STAT5B: variants seen among roughly 807,000 people sequenced by gnomAD.
STAT5B encodes the protein signal transducer and activator of transcription 5B, also known as transcription factor STAT5B.
In STAT5B, 21 loss-of-function variants were observed where a neutral mutation model predicts 107.8. The ratio of observed to expected loss-of-function variants is 0.19; its 90% CI spans 0.14 to 0.28. The LOEUF is 0.28. STAT5B is among the 10% of genes least tolerant of loss of function. STAT5B has a pLI of 1.00. For synonymous variants in STAT5B, 325 were observed against 401.7 expected (o/e 0.81, Z 2.28); for missense variants, 565 against 1,008.2 (o/e 0.56, Z 5.95).
upstream of STAT5B, among the ~76,000 whole-genome samples, chr17:42,279,667 A>T (rs2080787616): frequency 6.6e-6 from 1 of 151,968 alleles, no homozygotes; most frequent in East Asian, 1.9e-4. Flanking sequence ...CCATTACAGG[A>T]TTACATGCCT....
At chr17:42,259,991 T>C (rs1393809551) in intron 1 of STAT5B, among the ~76,000 whole-genome samples, 1 of 152,142 alleles carries the variant, frequency 6.6e-6, no homozygotes, top group Admixed American at 6.5e-5. Flanking sequence ...AGCCAGATGT[T>C]ATAAAGCAGG....
At chr17:42,256,024 G>A (rs2080540908) in intron 1 of STAT5B, among the ~76,000 whole-genome samples, 1 of 151,982 alleles carries the variant, frequency 6.6e-6, no homozygotes, top group African/African-American at 2.4e-5. Context: ...GGAGGTGAAG[G>A]TTGCAATGAG....
chr17:42,266,938 A>C (rs34129849), intron 1 of STAT5B, among the ~76,000 whole-genome samples: 39,842 of 152,170 alleles, frequency 0.26, 5,457 homozygotes, highest in South Asian at 0.42. Context: ...TTTGTAAAAC[A>C]TGACTACACT....
At chr17:42,219,097 C>T (rs1490061574) in intron 7 of STAT5B, among the ~76,000 whole-genome samples, 4 of 152,196 alleles carry the variant, frequency 2.6e-5, no homozygotes, top group African/African-American at 7.2e-5. Flanking sequence ...CCCACACACC[C>T]GAACCCTGTC....
chr17:42,236,434 A>C (rs1459460293), intron 1 of STAT5B, among the ~76,000 whole-genome samples: 8 of 152,134 alleles, frequency 5.3e-5, no homozygotes, highest in South Asian at 2.1e-4. Flanking sequence ...GAAGCTATGT[A>C]GTGGTTTTTT....
chr17:42,255,020 G>T (rs2080530901), intron 1 of STAT5B, among the ~76,000 whole-genome samples: 3 of 152,138 alleles, frequency 2.0e-5, no homozygotes. Context: ...GAACCCAGGA[G>T]GCAGAGGTTG....
At chr17:42,283,439 A>G in the STAT5B span, among the ~76,000 whole-genome samples, 3,702 of 152,302 alleles carry the variant, frequency 0.024, 126 homozygotes, top group East Asian at 0.14. Flanking sequence ...TCGTCCAGAA[A>G]GAAACCGGCC....
chr17:42,217,887 G>A, intron 9 of STAT5B: 1 of 509,422 alleles, frequency 2.0e-6, no homozygotes, highest in Non-Finnish European at 3.4e-6. Flanking sequence ...TGTATTTTTA[G>A]TAGAGACAGG....
intron 1 of STAT5B, among the ~76,000 whole-genome samples, chr17:42,235,626 C>A (rs1181725642): frequency 6.6e-6 from 1 of 152,080 alleles, no homozygotes; most frequent in Non-Finnish European, 1.5e-5. Flanking sequence ...TACAGGCACA[C>A]ACCGCCACGC....
At chr17:42,217,808 G>T (rs565740781) in intron 9 of STAT5B, 36 of 441,018 alleles carry the variant, frequency 8.2e-5, no homozygotes, top group African/African-American at 6.8e-4. Context: ...AGGTTCAAGG[G>T]ATTCTCCTGC....
intron 3 of STAT5B, 134 bp downstream of exon 3, chr17:42,227,395 A>G (rs926705639): frequency 1.8e-5 from 22 of 1,251,072 alleles, no homozygotes; most frequent in Admixed American, 2.5e-5. Flanking sequence ...AAAAAAAAAG[A>G]CCAAAACCAC....
At chr17:42,214,635 T>C (rs185478092) in intron 12 of STAT5B, 84,822 of 980,798 alleles carry the variant, frequency 0.086, 3,760 homozygotes, top group East Asian at 0.14. Context: ...TAATCAAGGT[T>C]TGTTGGATAT....
At chr17:42,258,680 A>G (rs1051180651) in intron 1 of STAT5B, among the ~76,000 whole-genome samples, 1 of 151,166 alleles carries the variant, frequency 6.6e-6, no homozygotes, top group Admixed American at 6.6e-5. Flanking sequence ...CTCCGTCTCA[A>G]AACAAACAAA....
intron 1 of STAT5B, among the ~76,000 whole-genome samples, chr17:42,253,348 G>C (rs977493076): frequency 7.2e-5 from 11 of 152,176 alleles, no homozygotes; most frequent in Non-Finnish European, 1.0e-4. Flanking sequence ...TTGCTCAAAA[G>C]CTGTCACTAA....
intron 16 of STAT5B, 32 bp downstream of exon 16, chr17:42,207,510 CACACACACACACACAA>C (rs1468600880): frequency 6.3e-7 from 1 of 1,599,364 alleles, no homozygotes; most frequent in Non-Finnish European, 8.5e-7. Context: ...CACACACACA[CACACACACACACACAA>C]CAAAATCAAA....
At chr17:42,218,411 G>A (rs566135738) in intron 8 of STAT5B, 81 bp from the exon 9 acceptor site, 1 of 1,562,224 alleles carries the variant, frequency 6.4e-7, no homozygotes, top group Non-Finnish European at 8.7e-7. Context: ...GGTGGGGGTG[G>A]GGCTGCCTCC....
chr17:42,208,481 G>T (rs183516413), intron 15 of STAT5B, among the ~76,000 whole-genome samples: 1 of 151,740 alleles, frequency 6.6e-6, no homozygotes. Context: ...GGGTGACAGA[G>T]ACCCCATCTC....
At chr17:42,211,770 T>C (rs940762884) in intron 13 of STAT5B, among the ~76,000 whole-genome samples, 2 of 152,220 alleles carry the variant, frequency 1.3e-5, no homozygotes, top group Non-Finnish European at 2.9e-5. Flanking sequence ...GCATTAACTG[T>C]AGACAAAGGT....
chr17:42,258,676 C>T (rs2080568553), intron 1 of STAT5B, among the ~76,000 whole-genome samples: 1 of 152,172 alleles, frequency 6.6e-6, no homozygotes, highest in African/African-American at 2.4e-5. Flanking sequence ...GAGACTCCGT[C>T]TCAAAACAAA....
Sources: allele counts gnomAD v4.1 joint callset (sites outside exome capture counted in the v4.1 genomes callset), GRCh38; gene constraint gnomAD v4.1.1; transcripts MANE v1.5; gene names NCBI Gene and HGNC (gene_info 2026-07-23, HGNC 2026-07-21).